Variants in TMEM132D observed in about 807,000 individuals in gnomAD.
TMEM132D encodes mature OL transmembrane protein.
A neutral mutation model predicts 62.3 loss-of-function variants in TMEM132D; 21 were observed. That is an observed-to-expected ratio of 0.34 (90% confidence interval 0.24 to 0.49). The LOEUF is 0.49. TMEM132D is among the 20% of genes least tolerant of loss of function. The pLI, the probability that TMEM132D is intolerant of heterozygous loss-of-function variation, is 0.99. For missense variants in TMEM132D, 1,346 were observed against 1,402.8 expected (o/e 0.96, Z 0.65); for synonymous variants, 621 against 575.6 (o/e 1.08, Z -1.13).
In TMEM132D at chr12:129,073,930, G is replaced by A. The variant is rs551304457; in HGVS notation, c.3245C>T (p.Pro1082Leu). 16 of 1,592,550 alleles carry A rather than the reference G, an allele frequency of 1.0e-5. No individual in the cohort carries two copies. Among genetic ancestry groups the A allele is most frequent in the African/African-American group, 1.4e-5 (1 of 74,002 alleles). Residue 1082 changes from proline to leucine, a missense_variant, in exon 9 of 9, where the codon CCT becomes CTT. Coordinates refer to ENST00000422113, the MANE Select transcript of TMEM132D (RefSeq NM_133448.3). ...GTTGTGCAGCTCTTTGCAGTCCCCA[G>A]GGTCCAGATCCTGGCAGACCCACTT... is the stretch of plus-strand genomic sequence containing the variant. ...DIKWVCQDLD[P>L]GDCKELHNYM...
chr12:129,218,174 C>T (rs911900355), intron 4 of TMEM132D, among the ~76,000 whole-genome samples: 1 of 152,028 alleles, frequency 6.6e-6, no homozygotes, highest in Non-Finnish European at 1.5e-5. Context: ...GCTTTTTGTC[C>T]AGCTTTTAAA....
chr12:129,451,639 C>T lies in TMEM132D; in HGVS notation c.1115+79420G>A, dbSNP rs193120295. On this transcript the variant is annotated intron_variant, in intron 3 of 8. Transcript: ENST00000422113. ...GTGGATTTATTAAAGATGTCAAGAACTAAAAACCTGACCACAGAGGCATGC... is the reference window on the plus strand; with the variant it reads ...GTGGATTTATTAAAGATGTCAAGAATTAAAAACCTGACCACAGAGGCATGC... Among the ~76,000 whole-genome samples, 3 of 152,244 alleles carry T rather than the reference C, an allele frequency of 2.0e-5. No homozygotes were observed. The East Asian group carries it at 5.8e-4, about 29-fold the overall frequency.
At chr12:129,173,701 TC>T (rs1432072912) in intron 5 of TMEM132D, among the ~76,000 whole-genome samples, 2 of 152,220 alleles carry the variant, frequency 1.3e-5, no homozygotes, top group African/African-American at 4.8e-5. Flanking sequence ...TGTAGCTAAG[TC>T]ATAGGCTGTC....
intron 2 of TMEM132D, among the ~76,000 whole-genome samples, chr12:129,616,550 G>C (rs904003176): frequency 1.3e-5 from 2 of 152,190 alleles, no homozygotes; most frequent in African/African-American, 4.8e-5. Flanking sequence ...GGAGGAAATT[G>C]AATCATGAGG....
chr12:129,575,234 C>G (rs1026410204), intron 2 of TMEM132D, among the ~76,000 whole-genome samples: 2 of 151,700 alleles, frequency 1.3e-5, no homozygotes, highest in South Asian at 4.2e-4. Flanking sequence ...AATATGTTAA[C>G]TGGCTGTTTT....
intron 4 of TMEM132D, among the ~76,000 whole-genome samples, chr12:129,224,952 C>A (rs1223103655): frequency 6.6e-6 from 1 of 152,070 alleles, no homozygotes; most frequent in Non-Finnish European, 1.5e-5. Context: ...AATCAGTGTG[C>A]ATATTGTTTA....
intron 2 of TMEM132D, among the ~76,000 whole-genome samples, chr12:129,586,730 C>T (rs1051391405): frequency 4.6e-5 from 7 of 152,126 alleles, no homozygotes; most frequent in East Asian, 1.9e-4. Context: ...TGGGAGTGAA[C>T]GTTCAGTCCA....
At chr12:129,681,965 A>C (rs12308785) in intron 2 of TMEM132D, among the ~76,000 whole-genome samples, 6,879 of 152,324 alleles carry the variant, frequency 0.045, 511 homozygotes, top group African/African-American at 0.16. Context: ...TCAGATTTGA[A>C]GGAGGGACGG....
chr12:129,551,011 G>A (rs1351188278), intron 2 of TMEM132D, among the ~76,000 whole-genome samples: 1 of 152,188 alleles, frequency 6.6e-6, no homozygotes, highest in Non-Finnish European at 1.5e-5. Context: ...CCACCATATT[G>A]TGAGGAAGCC....
chr12:129,294,967 G>T (rs891070401), intron 4 of TMEM132D, among the ~76,000 whole-genome samples: 2 of 152,104 alleles, frequency 1.3e-5, no homozygotes, highest in African/African-American at 4.8e-5. Context: ...CCAGATATTT[G>T]GTCACATGTT....
rs548436108 is a variant in TMEM132D at position 129,762,583 on chromosome 12, A to C, written c.80-61885T>G. Among the ~76,000 whole-genome samples the C allele has an allele frequency of 1.1e-3, 168 of 151,950 alleles. 1 individual carries two copies. The highest frequency in any genetic ancestry group is 1.3e-3 in the Non-Finnish European group (86 of 68,014). ...TAGTGTTCTGCCTTCATAAGCACGG[A>C]GGGGAAACAGACAGTGCTAATGGCT... On this transcript the variant is annotated intron_variant, in intron 1 of 8. Transcript: ENST00000422113.
chr12:129,685,293 C>T (rs1257647588), intron 2 of TMEM132D, among the ~76,000 whole-genome samples: 1 of 152,136 alleles, frequency 6.6e-6, no homozygotes, highest in Non-Finnish European at 1.5e-5. Context: ...TGGGCTGGGC[C>T]CAGGGCCCCC....
chr12:129,716,702 G>C (rs906644073), intron 1 of TMEM132D, among the ~76,000 whole-genome samples: 1 of 152,142 alleles, frequency 6.6e-6, no homozygotes, highest in African/African-American at 2.4e-5. Context: ...GGATTATCCT[G>C]GATTATCTAG....
chr12:129,081,010 G>A (rs968694169), intron 7 of TMEM132D, among the ~76,000 whole-genome samples: 12 of 152,266 alleles, frequency 7.9e-5, no homozygotes, highest in African/African-American at 2.2e-4. Flanking sequence ...CATCAGGCCC[G>A]CGGCTGTGAC....
At chr12:129,419,405 T>C (rs1872229165) in intron 3 of TMEM132D, among the ~76,000 whole-genome samples, 1 of 152,088 alleles carries the variant, frequency 6.6e-6, no homozygotes, top group Admixed American at 6.5e-5. Flanking sequence ...AAGATGAGCG[T>C]GCAGGAACAG....
chr12:129,634,135 C>T (rs529731128), intron 2 of TMEM132D, among the ~76,000 whole-genome samples: 1 of 152,092 alleles, frequency 6.6e-6, no homozygotes, highest in Non-Finnish European at 1.5e-5. Context: ...GCAGTGGTGT[C>T]CCCTGCACTC....
chr12:129,234,750 T>G (rs1313252644), intron 4 of TMEM132D, among the ~76,000 whole-genome samples: 3 of 152,238 alleles, frequency 2.0e-5, no homozygotes, highest in Admixed American at 2.0e-4. Flanking sequence ...TTTTAATAAC[T>G]GATAGAAATA....
chr12:129,378,505 G>A (rs1228864069), intron 3 of TMEM132D, among the ~76,000 whole-genome samples: 1 of 152,258 alleles, frequency 6.6e-6, no homozygotes, highest in Non-Finnish European at 1.5e-5. Flanking sequence ...GGGGGAACCT[G>A]AGATGAATAA....
chr12:129,257,209 T>C (rs1466569533), intron 4 of TMEM132D, among the ~76,000 whole-genome samples: 132 of 128,456 alleles, frequency 1.0e-3, no homozygotes, highest in African/African-American at 2.6e-3. Context: ...TCTTTCTTTT[T>C]TTTTTTTTTT....
Sources: allele counts gnomAD v4.1 joint callset (sites outside exome capture counted in the v4.1 genomes callset), GRCh38; gene constraint gnomAD v4.1.1; transcripts MANE v1.5; gene names NCBI Gene and HGNC (gene_info 2026-07-23, HGNC 2026-07-21).